The following FGF14 variants were observed in gnomAD, a reference collection of about 807,000 sequenced individuals.
The protein encoded by FGF14 is fibroblast growth factor 14, also known as fibroblast growth factor homologous factor 4.
FGF14 carries 5 observed loss-of-function variants against 25.5 expected under a neutral mutation model. The ratio of observed to expected loss-of-function variants is 0.20; its 90% confidence interval spans 0.10 to 0.41. FGF14 has a LOEUF of 0.41. FGF14 is among the 10% of genes least tolerant of loss of function. FGF14 has a pLI of 1.00. For missense variants in FGF14, 222 were observed against 320.1 expected (o/e 0.69, Z 2.34); for synonymous variants, 138 against 118.3 (o/e 1.17, Z -1.08).
At chr13:102,157,651 G>A (rs1049042578) in intron 1 of FGF14, among the ~76,000 whole-genome samples, 1 of 152,132 alleles carries the variant, frequency 6.6e-6, no homozygotes, top group Non-Finnish European at 1.5e-5. Flanking sequence ...AGCCAAAATT[G>A]ACAAATGGGA....
At chr13:102,225,565 A>T (rs9518665) in intron 1 of FGF14, among the ~76,000 whole-genome samples, 15,874 of 152,154 alleles carry the variant, frequency 0.1, 1,275 homozygotes, top group East Asian at 0.4. Context: ...CTGTTAACTG[A>T]TTTAGAATTG....
intron 3 of FGF14, among the ~76,000 whole-genome samples, chr13:101,754,248 C>T (rs1245146040): frequency 6.6e-6 from 1 of 152,104 alleles, no homozygotes; most frequent in Non-Finnish European, 1.5e-5. Context: ...ATGGTATGGA[C>T]AAAGGAGCCA....
intron 1 of FGF14, among the ~76,000 whole-genome samples, chr13:102,123,052 C>A (rs2045800224): frequency 6.6e-6 from 1 of 152,094 alleles, no homozygotes; most frequent in African/African-American, 2.4e-5. Context: ...AGATGGGCAG[C>A]ATTACAAAGA....
intron 1 of FGF14, among the ~76,000 whole-genome samples, chr13:102,025,030 C>A (rs1244913940): frequency 6.6e-6 from 1 of 150,450 alleles, no homozygotes; most frequent in Non-Finnish European, 1.5e-5. Flanking sequence ...TATATATATT[C>A]ATATAATTAT....
intron 3 of FGF14, among the ~76,000 whole-genome samples, chr13:101,814,023 C>T (rs942377292): frequency 6.6e-6 from 1 of 152,168 alleles, no homozygotes; most frequent in Non-Finnish European, 1.5e-5. Context: ...ATGTTGTAAG[C>T]TGTTGGATGA....
intron 1 of FGF14, among the ~76,000 whole-genome samples, chr13:102,312,889 A>G (rs2138695757): frequency 6.6e-6 from 1 of 152,334 alleles, no homozygotes; most frequent in African/African-American, 2.4e-5. Flanking sequence ...ACAGCCCCAG[A>G]TATCCCTTTC....
At chr13:101,772,497 C>T (rs1040570320) in intron 3 of FGF14, among the ~76,000 whole-genome samples, 5 of 152,102 alleles carry the variant, frequency 3.3e-5, no homozygotes, top group African/African-American at 9.6e-5. Flanking sequence ...TCTTTTCTCT[C>T]AGGCTAGAAA....
intron 1 of FGF14, among the ~76,000 whole-genome samples, chr13:101,985,245 T>C (rs1342595722): frequency 6.6e-6 from 1 of 152,038 alleles, no homozygotes; most frequent in Admixed American, 6.6e-5. Flanking sequence ...GAGCTGCCAA[T>C]CCACTGGCAA....
In FGF14 at chr13:101,835,787, G is replaced by A. The variant is rs113666746; in HGVS notation, c.408+32938C>T. ...CCTGCCATCATGGGAATAAGTGGAT[G>A]TGCCTCCCTTACTTTAAAGTCAAGC... On this transcript the variant is annotated intron_variant, in intron 3 of 4. Transcript: ENST00000376143. Among the ~76,000 whole-genome samples the A allele has an allele frequency of 3.0e-3, 449 of 152,120 alleles. 2 individuals are homozygous for A. Among genetic ancestry groups the A allele is most frequent in the South Asian group, 4.6e-3 (22 of 4,820 alleles).
At chr13:102,330,677 C>A (rs1240073005) in intron 1 of FGF14, among the ~76,000 whole-genome samples, 1 of 152,132 alleles carries the variant, frequency 6.6e-6, no homozygotes, top group African/African-American at 2.4e-5. Context: ...TGCAAGGTGA[C>A]TTTCTTGGCA....
intron 1 of FGF14, among the ~76,000 whole-genome samples, chr13:101,878,413 G>A (rs758798940): frequency 2.0e-5 from 3 of 151,948 alleles, no homozygotes; most frequent in African/African-American, 7.3e-5. Context: ...ACAATTTTAT[G>A]GTAATTTTAT....
intron 1 of FGF14, among the ~76,000 whole-genome samples, chr13:101,929,257 G>A (rs2034583069): frequency 3.3e-5 from 5 of 152,180 alleles, no homozygotes. Flanking sequence ...GTTGGGAAAG[G>A]TCTCATGGAA....
At chr13:102,136,921 T>C (rs2046438147) in intron 1 of FGF14, among the ~76,000 whole-genome samples, 1 of 152,228 alleles carries the variant, frequency 6.6e-6, no homozygotes. Context: ...ATGGAGTTTT[T>C]ATCAAGACGG....
intron 1 of FGF14, among the ~76,000 whole-genome samples, chr13:102,044,666 C>G (rs556792799): frequency 2.6e-5 from 4 of 152,252 alleles, no homozygotes; most frequent in Admixed American, 6.5e-5. Flanking sequence ...AACCCATGAT[C>G]TCTCAAAGCC....
chr13:102,058,345 T>A (rs1451063108), intron 1 of FGF14, among the ~76,000 whole-genome samples: 2 of 152,234 alleles, frequency 1.3e-5, no homozygotes, highest in Admixed American at 1.3e-4. Context: ...AAAGAAGGCA[T>A]CTAGTTTGAT....
At chr13:102,253,175 G>T (rs1045966428) in intron 1 of FGF14, among the ~76,000 whole-genome samples, 2 of 152,088 alleles carry the variant, frequency 1.3e-5, no homozygotes, top group African/African-American at 4.8e-5. Context: ...AATCCTTTGG[G>T]TATATACGCA....
At chr13:102,161,570 A>AAAGAAGAAGAAAGAAGAAAG (rs1555369389) in intron 1 of FGF14, among the ~76,000 whole-genome samples, 1 of 5,652 alleles carries the variant, frequency 1.8e-4, no homozygotes, top group Non-Finnish European at 2.4e-4. Context: ...TTCTGTGAAG[A>AAAGAAGAAGAAAGAAGAAAG]AAGAAAGAAG....
At chr13:102,302,376 T>C (rs2055114392) in intron 1 of FGF14, among the ~76,000 whole-genome samples, 1 of 152,108 alleles carries the variant, frequency 6.6e-6, no homozygotes, top group Non-Finnish European at 1.5e-5. Context: ...CAGATGTTTT[T>C]CCAGGTTCTT....
chr13:102,306,459 G>C (rs1160593838), intron 1 of FGF14, among the ~76,000 whole-genome samples: 1 of 152,132 alleles, frequency 6.6e-6, no homozygotes, highest in Admixed American at 6.5e-5. Context: ...GGAAAAAATA[G>C]GTACTAAACA....
Sources: gnomAD v4.1 joint callset for allele counts (sites outside exome capture counted in the v4.1 genomes callset) on GRCh38, gnomAD v4.1.1 for gene constraint, MANE v1.5 for transcripts, NCBI Gene and HGNC (gene_info 2026-07-23, HGNC 2026-07-21) for gene names.